The following COP1 variants were observed in gnomAD, a reference collection of about 807,000 sequenced individuals.
COP1 encodes COP1 E3 ubiquitin ligase, also known as E3 ubiquitin-protein ligase COP1.
In COP1, 24 loss-of-function variants were observed where a neutral mutation model predicts 101.3. The observed-to-expected ratio is 0.24, with a 90% CI of 0.17 to 0.33. The LOEUF (loss-of-function observed/expected upper bound fraction) is 0.33, where lower values mean the gene tolerates loss of function less well. Ranked by LOEUF, COP1 falls within the 10% of genes least tolerant of loss-of-function variation. COP1 has a pLI of 1.00. For missense variants in COP1, 663 were observed against 906.2 expected, an observed-to-expected ratio of 0.73 and a Z score of 3.45; for synonymous variants, 347 against 341.9, an observed-to-expected ratio of 1.01 and a Z score of -0.17.
chr1:176,109,269 T>C (rs1684879135), intron 9 of COP1, among the ~76,000 whole-genome samples: 1 of 152,170 alleles, frequency 6.6e-6, no homozygotes, highest in African/African-American at 2.4e-5. Flanking sequence ...TTCATTTCTA[T>C]AGTTCTATTG....
intron 12 of COP1, among the ~76,000 whole-genome samples, chr1:176,044,650 G>T (rs977486263): frequency 1.3e-5 from 2 of 152,156 alleles, no homozygotes; most frequent in Non-Finnish European, 2.9e-5. Flanking sequence ...AATTTAGGTA[G>T]ACTTGAGTTC....
At position 176,119,643 on chromosome 1, in the gene COP1, C is replaced by G. The variant is rs199768963; in HGVS notation, c.969-2962G>C. Among the ~76,000 whole-genome samples the G allele has an allele frequency of 3.0e-4, 8 of 26,654 alleles. No individual in the cohort carries two copies. In the Admixed American group the frequency reaches 3.6e-3, roughly 12 times the overall value. The allele number at this position is 26,654 out of a possible 152,430, so 17.5% of individuals were successfully genotyped here. ...TTAATATATACATTATACATTCATACACACACACACACACACACACATATA... is the reference window on the plus strand; with the variant it reads ...TTAATATATACATTATACATTCATAGACACACACACACACACACACATATA... On this transcript the variant is annotated intron_variant, in intron 8 of 19. Transcript: ENST00000367669.
intron 3 of COP1, among the ~76,000 whole-genome samples, chr1:176,165,394 GT>G (rs757343499): frequency 0.014 from 2,109 of 145,528 alleles, 31 homozygotes; most frequent in African/African-American, 0.038. Context: ...GTGTGTGTGT[GT>G]GTGTGTGTGT....
chr1:176,026,466 C>T (rs1474313727), intron 15 of COP1, among the ~76,000 whole-genome samples: 1 of 152,022 alleles, frequency 6.6e-6, no homozygotes, highest in African/African-American at 2.4e-5. Context: ...AGTTAAAGAA[C>T]TTGCTCAAGG....
chr1:176,079,181 T>G (rs567120945), intron 11 of COP1, among the ~76,000 whole-genome samples: 4 of 152,096 alleles, frequency 2.6e-5, no homozygotes, highest in African/African-American at 9.7e-5. Context: ...TAAAGACACA[T>G]GCACTGGTAT....
At chr1:176,085,740 A>G (rs1680021770) in intron 10 of COP1, 36 bp downstream of exon 10, 1 of 1,236,224 alleles carries the variant, frequency 8.1e-7, no homozygotes, top group Non-Finnish European at 1.2e-6. Flanking sequence ...TCTGAAATGT[A>G]GATTTCAGAT....
intron 14 of COP1, among the ~76,000 whole-genome samples, chr1:176,029,813 G>C (rs1274388809): frequency 6.6e-6 from 1 of 152,132 alleles, no homozygotes; most frequent in Non-Finnish European, 1.5e-5. Context: ...ACGGGATTAC[G>C]TAAGAATTTA....
At chr1:175,946,460 A>T (rs1318119000) in intron 19 of COP1, among the ~76,000 whole-genome samples, 1 of 152,232 alleles carries the variant, frequency 6.6e-6, no homozygotes, top group Non-Finnish European at 1.5e-5. Context: ...ACGTTATGTT[A>T]AAAAACTTTC....
chr1:176,022,949 T>C (rs1272289732), intron 15 of COP1, among the ~76,000 whole-genome samples: 1 of 152,242 alleles, frequency 6.6e-6, no homozygotes, highest in Non-Finnish European at 1.5e-5. Flanking sequence ...TCGTTCTCCT[T>C]GTGCTTTGAA....
chr1:176,102,123 G>A (rs1025061679), intron 9 of COP1, among the ~76,000 whole-genome samples: 1 of 152,078 alleles, frequency 6.6e-6, no homozygotes, highest in Non-Finnish European at 1.5e-5. Context: ...ATGGGGTGGG[G>A]CCTCAGGAAG....
intron 18 of COP1, among the ~76,000 whole-genome samples, chr1:175,950,386 T>A (rs1307113918): frequency 6.6e-6 from 1 of 152,182 alleles, no homozygotes; most frequent in African/African-American, 2.4e-5. Context: ...TAGCTAGATA[T>A]TGGCTTAAGA....
chr1:175,995,170 A>G (rs1659819225), intron 15 of COP1, among the ~76,000 whole-genome samples: 1 of 152,240 alleles, frequency 6.6e-6, no homozygotes, highest in Non-Finnish European at 1.5e-5. Context: ...AAATGAAGGC[A>G]GAAATAAAGA....
At chr1:176,148,953 A>C in intron 6 of COP1, 53 bp downstream of exon 6, 1 of 1,134,172 alleles carries the variant, frequency 8.8e-7, no homozygotes, top group Non-Finnish European at 1.3e-6. Flanking sequence ...ACAAAATGGG[A>C]ACAGTTAACA....
At chr1:175,949,168 CA>C (rs56280543) in intron 18 of COP1, among the ~76,000 whole-genome samples, 21 of 43,158 alleles carry the variant, frequency 4.9e-4, no homozygotes, top group African/African-American at 1.6e-3. Context: ...GGCTCCGTCT[CA>C]AAAAAAAAAA....
At chr1:176,027,174 G>C (rs1166335768) in intron 15 of COP1, among the ~76,000 whole-genome samples, 1 of 152,050 alleles carries the variant, frequency 6.6e-6, no homozygotes, top group Non-Finnish European at 1.5e-5. Context: ...TGCATAGTAG[G>C]GACTCAATAA....
At chr1:175,995,092 C>T (rs1659789931) in intron 15 of COP1, among the ~76,000 whole-genome samples, 1 of 152,166 alleles carries the variant, frequency 6.6e-6, no homozygotes, top group South Asian at 2.1e-4. Context: ...TTAAGAAACT[C>T]ACTAAAAACC....
rs574265048 is a variant in COP1 at position 176,138,381 on chromosome 1, A to G, written c.832-1834T>C. Among the ~76,000 whole-genome samples, 17 of 152,316 alleles carry G rather than the reference A, an allele frequency of 1.1e-4. No homozygotes were observed. The East Asian group carries it at 3.3e-3, about 29-fold the overall frequency. ...AGTCGCAGCCAGAAAACCAGGGGAAATGACAGTACCATTGGAGAAATCAAG... is the reference window on the plus strand; with the variant it reads ...AGTCGCAGCCAGAAAACCAGGGGAAGTGACAGTACCATTGGAGAAATCAAG... On this transcript the variant is annotated intron_variant, in intron 6 of 19. Transcript: ENST00000367669.
intron 2 of COP1, among the ~76,000 whole-genome samples, chr1:176,180,532 C>T (rs17354252): frequency 0.11 from 16,570 of 152,186 alleles, 991 homozygotes; most frequent in Middle Eastern, 0.16. Context: ...CACTGCAACT[C>T]TTAAAAATAA....
rs189096233 is a variant in COP1 at position 176,004,500 on chromosome 1, G to C, written c.1730-15021C>G. Among the ~76,000 whole-genome samples the C allele has an allele frequency of 5.9e-3, 884 of 149,940 alleles. 19 individuals carry two copies. The highest frequency in any genetic ancestry group is 0.021 in the African/African-American group (848 of 40,904). ...AATGGCTGTGGGTTTGTCATAGATA[G>C]TTCTTATTATTTTGAAATACGTCCC... is the stretch of plus-strand genomic sequence containing the variant. On this transcript the variant is annotated intron_variant, in intron 15 of 19. Coordinates refer to ENST00000367669, the MANE Select transcript of COP1 (RefSeq NM_022457.7).
Sources: gnomAD v4.1 joint callset for allele counts (sites outside exome capture counted in the v4.1 genomes callset) on GRCh38, gnomAD v4.1.1 for gene constraint, MANE v1.5 for transcripts, NCBI Gene and HGNC (gene_info 2026-07-23, HGNC 2026-07-21) for gene names.